MSI2: variants seen among roughly 807,000 people sequenced by gnomAD.
The protein encoded by MSI2 is musashi RNA binding protein 2, also known as RNA-binding protein Musashi homolog 2.
MSI2 carries 17 observed loss-of-function variants against 45.6 expected under a neutral mutation model. The ratio of observed to expected loss-of-function variants is 0.37; its 90% CI spans 0.26 to 0.56. The LOEUF is 0.56. Ranked by LOEUF, MSI2 falls within the 20% of genes least tolerant of loss-of-function variation. MSI2 has a pLI of 0.77. For synonymous variants in MSI2, 156 were observed against 158.2 expected (o/e 0.99, Z 0.11); for missense variants, 293 against 444.2 (o/e 0.66, Z 3.06).
At chr17:57,696,333 A>G in the MSI2 span, among the ~76,000 whole-genome samples, 12 of 152,254 alleles carry the variant, frequency 7.9e-5, no homozygotes, top group African/African-American at 2.7e-4. Flanking sequence ...TCCAGCCAAG[A>G]CAGACCATGG....
At chr17:57,377,434 G>A (rs1002706452) in intron 5 of MSI2, among the ~76,000 whole-genome samples, 5 of 152,220 alleles carry the variant, frequency 3.3e-5, no homozygotes, top group African/African-American at 1.2e-4. Flanking sequence ...GTCGGGGAAA[G>A]GACAGGGAAT....
intron 8 of MSI2, among the ~76,000 whole-genome samples, chr17:57,610,253 C>A (rs1017739763): frequency 6.6e-6 from 1 of 152,080 alleles, no homozygotes; most frequent in African/African-American, 2.4e-5. Flanking sequence ...GAGTTCGAGA[C>A]CAGCCTGGCC....
intron 9 of MSI2, among the ~76,000 whole-genome samples, chr17:57,621,803 A>G (rs1383954373): frequency 2.0e-5 from 3 of 152,182 alleles, no homozygotes; most frequent in Non-Finnish European, 4.4e-5. Context: ...TAATCAACCC[A>G]ATGGGAATTC....
chr17:57,477,364 T>C (rs909744085), intron 6 of MSI2, among the ~76,000 whole-genome samples: 1 of 152,178 alleles, frequency 6.6e-6, no homozygotes, highest in Non-Finnish European at 1.5e-5. Context: ...CGACTGCCAA[T>C]GAGCCTGGCT....
intron 9 of MSI2, among the ~76,000 whole-genome samples, chr17:57,617,248 C>T (rs1907805188): frequency 6.6e-6 from 1 of 152,170 alleles, no homozygotes; most frequent in Admixed American, 6.5e-5. Context: ...ATTTTTTAGG[C>T]TTAACAGAGT....
At chr17:57,403,269 T>G (rs1048875897) in intron 6 of MSI2, among the ~76,000 whole-genome samples, 1 of 152,232 alleles carries the variant, frequency 6.6e-6, no homozygotes, top group African/African-American at 2.4e-5. Context: ...TTGGTTTCTT[T>G]CTGTCTCTCT....
At position 57,256,708 on chromosome 17, in the gene MSI2, G is replaced by GT. The variant is rs1240107230; in HGVS notation, c.-29dup. The GT allele has an allele frequency of 9.0e-6, 8 of 893,304 alleles. No individual in the cohort carries two copies. Among genetic ancestry groups the GT allele is most frequent in the Non-Finnish European group, 1.2e-5 (8 of 687,980 alleles). The allele number at this position is 893,304 out of a possible 1,614,324, so 55.3% of individuals were successfully genotyped here. A position where few individuals can be genotyped will look rare whatever the true frequency, so the allele number is the denominator to read the frequency against. ...TCCGCTCCGATCGCTGTGGGGCTTG[G>GT]TTTTTTGGGGGTGGGGGGGCGGGGG... On this transcript the variant is annotated 5_prime_UTR_variant, in exon 1 of 14. Coordinates refer to ENST00000284073, the MANE Select transcript of MSI2 (RefSeq NM_138962.4).
intron 6 of MSI2, chr17:57,449,686 C>G (rs887741122): frequency 6.6e-6 from 1 of 152,062 alleles, no homozygotes; most frequent in African/African-American, 2.4e-5. Flanking sequence ...GATTTTTTTC[C>G]CTTTCCGTGC....
At chr17:57,488,886 A>C (rs1219362587) in intron 6 of MSI2, among the ~76,000 whole-genome samples, 3 of 151,992 alleles carry the variant, frequency 2.0e-5, no homozygotes, top group African/African-American at 4.8e-5. Flanking sequence ...GGCGGTGTGC[A>C]GACACGATAA....
intron 6 of MSI2, among the ~76,000 whole-genome samples, chr17:57,486,116 C>T (rs1466591104): frequency 6.6e-6 from 1 of 152,244 alleles, no homozygotes; most frequent in African/African-American, 2.4e-5. Flanking sequence ...GCAAATTGCT[C>T]TCTGACTTTG....
At chr17:57,405,476 A>C (rs1256750038) in intron 6 of MSI2, among the ~76,000 whole-genome samples, 1 of 152,248 alleles carries the variant, frequency 6.6e-6, no homozygotes, top group Non-Finnish European at 1.5e-5. Context: ...GTATTCAAAC[A>C]TTAATAGGAT....
At chr17:57,273,538 G>GC (rs1908577862) in intron 5 of MSI2, among the ~76,000 whole-genome samples, 1 of 135,082 alleles carries the variant, frequency 7.4e-6, no homozygotes, top group Non-Finnish European at 1.6e-5. Flanking sequence ...ATGTGGGTGG[G>GC]GGGGGGGACC....
At chr17:57,256,979 C>T in intron 1 of MSI2, 119 bp from the exon 2 acceptor site, 1 of 1,557,816 alleles carries the variant, frequency 6.4e-7, no homozygotes, top group Non-Finnish European at 8.7e-7. Context: ...CTCCCCCACC[C>T]CACCTCCCGG....
chr17:57,632,902 A>G (rs1909524001), intron 10 of MSI2: 8 of 1,060,652 alleles, frequency 7.5e-6, no homozygotes, highest in African/African-American at 3.3e-5. Flanking sequence ...GCTTGATGTA[A>G]TAATTGGTTA....
the MSI2 span, among the ~76,000 whole-genome samples, chr17:57,695,083 G>A: frequency 6.6e-6 from 1 of 152,136 alleles, no homozygotes; most frequent in Admixed American, 6.6e-5. Flanking sequence ...AGCACTTTGA[G>A]AACATCTAGT....
intron 6 of MSI2, among the ~76,000 whole-genome samples, chr17:57,488,487 G>A (rs1277414498): frequency 6.6e-6 from 1 of 152,122 alleles, no homozygotes; most frequent in African/African-American, 2.4e-5. Flanking sequence ...CCAGTGGTGA[G>A]TACCTCTCAC....
chr17:57,312,464 C>G (rs1174426539), intron 5 of MSI2, among the ~76,000 whole-genome samples: 2 of 152,110 alleles, frequency 1.3e-5, no homozygotes, highest in Non-Finnish European at 2.9e-5. Context: ...GGGATGCCTC[C>G]CCTGGGGAGG....
rs1277801718 is a variant in MSI2 at position 57,257,182 on chromosome 17, C to T, written c.103+44C>T. On this transcript the variant is annotated intron_variant, in intron 2 of 13. Transcript: ENST00000284073. Reference sequence around the variant, plus strand: ...GACGCCTGGGTCCCCCCCTTCTTGGCTTCTTTATTGCTCTTTGTTATCCCG... The same window carrying T: ...GACGCCTGGGTCCCCCCCTTCTTGGTTTCTTTATTGCTCTTTGTTATCCCG... 7 of 1,278,896 alleles carry T rather than the reference C, an allele frequency of 5.5e-6. No individual in the cohort carries two copies. The South Asian group carries it at 7.7e-5, about 14-fold the overall frequency. 79.2% of individuals were successfully genotyped at this position (1,278,896 alleles called of 1,614,324 possible). A position where few individuals can be genotyped will look rare whatever the true frequency, so the allele number is the denominator to read the frequency against.
intron 7 of MSI2, among the ~76,000 whole-genome samples, chr17:57,577,400 T>C (rs1401485019): frequency 2.0e-5 from 3 of 152,158 alleles, no homozygotes; most frequent in Non-Finnish European, 4.4e-5. Flanking sequence ...ATTATGAAAG[T>C]CCAGCCTGGT....
Sources: gnomAD v4.1 joint callset for allele counts (sites outside exome capture counted in the v4.1 genomes callset) on GRCh38, gnomAD v4.1.1 for gene constraint, MANE v1.5 for transcripts, NCBI Gene and HGNC (gene_info 2026-07-23, HGNC 2026-07-21) for gene names.